The following SAMD15 variants were observed in gnomAD, a reference collection of about 807,000 sequenced individuals.
SAMD15 encodes sterile alpha motif domain-containing protein 15.
Under a neutral mutation model 50.5 loss-of-function variants are expected in SAMD15, and 37 were observed. The ratio of observed to expected loss-of-function variants is 0.73; its 90% CI spans 0.56 to 0.96. The LOEUF (loss-of-function observed/expected upper bound fraction) is 0.96, where lower values mean the gene tolerates loss of function less well. Ranked by LOEUF, SAMD15 falls within the 40% of genes least tolerant of loss-of-function variation. The probability of loss-of-function intolerance (pLI) is 0.00; values close to 1 mark genes in which losing one functional copy is unlikely to be tolerated. For synonymous variants in SAMD15, 255 were observed against 282.8 expected (o/e 0.90, Z 0.99); for missense variants, 789 against 783.8 (o/e 1.01, Z -0.08).
intron 2 of SAMD15, among the ~76,000 whole-genome samples, chr14:77,388,347 G>C (rs911121975): frequency 3.3e-5 from 5 of 151,416 alleles, no homozygotes; most frequent in Non-Finnish European, 5.9e-5. Context: ...GTAGAAGCAT[G>C]CATCACAAAC....
At chr14:77,387,533 T>C (rs200860275) in intron 2 of SAMD15, among the ~76,000 whole-genome samples, 1 of 152,316 alleles carries the variant, frequency 6.6e-6, no homozygotes, top group East Asian at 1.9e-4. Flanking sequence ...AGACACACTT[T>C]TAAAAATCAC....
chr14:77,381,092 C>T (rs1206298846), intron 2 of SAMD15, among the ~76,000 whole-genome samples: 1 of 152,168 alleles, frequency 6.6e-6, no homozygotes, highest in Non-Finnish European at 1.5e-5. Flanking sequence ...ACCAGTTCCT[C>T]ATTTGCATCT....
intron 2 of SAMD15, among the ~76,000 whole-genome samples, chr14:77,381,740 AT>A (rs1735535298): frequency 6.6e-6 from 1 of 152,176 alleles, no homozygotes; most frequent in Non-Finnish European, 1.5e-5. Context: ...AACTTTTTAA[AT>A]TATTAAACAT....
intron 2 of SAMD15, among the ~76,000 whole-genome samples, chr14:77,388,773 T>A (rs1894037823): frequency 6.6e-6 from 1 of 152,090 alleles, no homozygotes; most frequent in Non-Finnish European, 1.5e-5. Context: ...CACGTCCAGC[T>A]AATTTTTGTA....
chr14:77,386,577 G>A (rs547881833), intron 2 of SAMD15, among the ~76,000 whole-genome samples: 1 of 152,252 alleles, frequency 6.6e-6, no homozygotes, highest in Admixed American at 6.5e-5. Flanking sequence ...AGGAGTTTGA[G>A]GCTGCAGTGA....
At position 77,391,541 on chromosome 14, in the gene SAMD15, C is replaced by T. The variant is rs1894072914; in HGVS notation, c.*297C>T. 6 of 231,670 alleles carry T rather than the reference C, an allele frequency of 2.6e-5. No individual in the cohort carries two copies. The South Asian group carries it at 6.3e-4, about 24-fold the overall frequency. The allele number at this position is 231,670 out of a possible 1,614,324, so 14.4% of individuals were successfully genotyped here. ...CCATGTTGGCCAGGCTGGTCTGAAA[C>T]TCCTAACAGTTGATCTGCCCGCCGT... On this transcript the variant is annotated 3_prime_UTR_variant, in exon 3 of 3. Coordinates refer to ENST00000216471, the MANE Select transcript of SAMD15 (RefSeq NM_001010860.4).
In SAMD15 at chr14:77,378,612, GC is replaced by G. The variant is rs761684296; in HGVS notation, c.1196del (p.Pro399GlnfsTer6). The part of the protein sequence containing the change: ...PQVEEKTQTK[P>X]TEKILELPDE... Reference sequence around the variant, plus strand: ...AAGTTGAAGAGAAAACACAAACAAAGCCAACTGAGAAAATTCTAGAGTTACC... The same window carrying G: ...AAGTTGAAGAGAAAACACAAACAAAGCAACTGAGAAAATTCTAGAGTTACC... On this transcript the variant is annotated frameshift_variant, in exon 1 of 3. Coordinates refer to ENST00000216471, the MANE Select transcript of SAMD15 (RefSeq NM_001010860.4). LOFTEE classifies it high-confidence loss of function. 6.2e-6 allele frequency: 10 copies of G among 1,613,794 alleles called. No individual in the cohort carries two copies. Among genetic ancestry groups the G allele is most frequent in the Non-Finnish European group, 8.5e-6 (10 of 1,179,970 alleles).
chr14:77,388,960 AC>A (rs2139653457), intron 2 of SAMD15, among the ~76,000 whole-genome samples: 1 of 152,124 alleles, frequency 6.6e-6, no homozygotes, highest in East Asian at 1.9e-4. Context: ...TAGAATTCTC[AC>A]TGGACAACTC....
At chr14:77,388,916 G>C (rs1365614943) in intron 2 of SAMD15, among the ~76,000 whole-genome samples, 1 of 152,052 alleles carries the variant, frequency 6.6e-6, no homozygotes, top group African/African-American at 2.4e-5. Context: ...TTGGATCTCA[G>C]TTCTTAGAAG....
In SAMD15 at chr14:77,377,783, T is replaced by A; in HGVS notation, c.365T>A (p.Leu122Ter). ...GAGATGGGAGAGTTTTTCAAAGATT[T>A]GGAGGCCCCTATGGATGAAACGCAT... ...SREMGEFFKD[L>*]EAPMDETHKE... is the part of the protein sequence containing the mutation. The change falls in exon 1 of 3, where the codon TTG becomes TAG. Residue 122 changes from leucine to a stop codon, truncating the protein, a stop_gained. Transcript: ENST00000216471. LOFTEE classifies it high-confidence loss of function. The A allele has an allele frequency of 3.1e-6, 5 of 1,614,138 alleles. No homozygotes were observed. Among genetic ancestry groups the A allele is most frequent in the Non-Finnish European group, 4.2e-6 (5 of 1,180,022 alleles).
intron 2 of SAMD15, among the ~76,000 whole-genome samples, chr14:77,382,450 G>A (rs141198502): frequency 6.6e-6 from 1 of 152,080 alleles, no homozygotes; most frequent in African/African-American, 2.4e-5. Flanking sequence ...ATAGAGACAG[G>A]GTTTCATGAT....
At chr14:77,383,995 A>C (rs1020702778) in intron 2 of SAMD15, among the ~76,000 whole-genome samples, 2 of 151,426 alleles carry the variant, frequency 1.3e-5, no homozygotes, top group African/African-American at 2.4e-5. Context: ...AAAAAAAAAA[A>C]AAAAAAAACC....
intron 2 of SAMD15, among the ~76,000 whole-genome samples, chr14:77,390,247 C>T (rs974942711): frequency 6.6e-6 from 1 of 151,994 alleles, no homozygotes; most frequent in Non-Finnish European, 1.5e-5. Flanking sequence ...CTGCCCGCCT[C>T]TGCCTCCCAA....
In SAMD15 at chr14:77,391,875, G is replaced by A. The variant is rs772454164; in HGVS notation, c.*631G>A. Among the ~76,000 whole-genome samples, 99 of 152,162 alleles carry A rather than the reference G, an allele frequency of 6.5e-4. No individual in the cohort carries two copies. The highest frequency in any genetic ancestry group is 6.2e-4 in the South Asian group (3 of 4,824). ...TCAAGACCAGCCTGGCCAACAAGGT[G>A]AAGCCCTGTCTCTACTAAAAATACA... On this transcript the variant is annotated 3_prime_UTR_variant, in exon 3 of 3. Coordinates refer to ENST00000216471, the MANE Select transcript of SAMD15 (RefSeq NM_001010860.4).
intron 2 of SAMD15, among the ~76,000 whole-genome samples, chr14:77,382,845 A>G (rs1176747081): frequency 1.3e-5 from 2 of 151,678 alleles, no homozygotes; most frequent in African/African-American, 4.8e-5. Context: ...CCTCCCAAGT[A>G]GCTGGGATTA....
chr14:77,387,800 T>C (rs1461494261), intron 2 of SAMD15, among the ~76,000 whole-genome samples: 1 of 151,800 alleles, frequency 6.6e-6, no homozygotes, highest in Admixed American at 6.6e-5. Flanking sequence ...ACCTGTAATC[T>C]TAGCATTTTG....
At position 77,377,439 on chromosome 14, in the gene SAMD15, T is replaced by G; in HGVS notation, c.21T>G (p.Asp7Glu). 1 of 1,611,058 alleles carries G rather than the reference T, an allele frequency of 6.2e-7. No individual in the cohort carries two copies. The highest frequency in any genetic ancestry group is 8.5e-7 in the Non-Finnish European group (1 of 1,178,792). The change falls in exon 1 of 3, where the codon GAT (aspartate) becomes GAG (glutamate). Residue 7 changes from aspartate (D) to glutamate (E), a missense_variant. Physicochemically the swap from Asp to Glu is conservative, Grantham distance 45. Transcript: ENST00000216471. ...TGCAAATGGCTGAAGTCCCGGAGGA[T>G]TATGATTCCGGCCCAGATGAAGATG... is the stretch of plus-strand genomic sequence containing the variant. MAEVPE[D>E]YDSGPDEDGE...
At position 77,380,466 on chromosome 14, in the gene SAMD15, C is replaced by G. The variant is rs1489309893; in HGVS notation, c.1773C>G (p.Asn591Lys). ...CSNLPQMGITNFEDMKAISRH... is the reference protein window; with the variant it reads ...CSNLPQMGITKFEDMKAISRH... Reference sequence around the variant, plus strand: ...ACCTCCCTCAGATGGGGATAACAAACTTTGAGGACATGAAGGTGAGTTGTG... The same window carrying G: ...ACCTCCCTCAGATGGGGATAACAAAGTTTGAGGACATGAAGGTGAGTTGTG... Residue 591 changes from asparagine (N) to lysine (K), a missense_variant, in exon 2 of 3, where the codon AAC (asparagine) becomes AAG (lysine). Physicochemically the swap from Asn to Lys is moderately conservative, Grantham distance 94. Around this residue, in one of 2 missense-constraint regions of SAMD15, gnomAD observed 770 missense variants for 745.4 expected, o/e 1.03. Coordinates refer to ENST00000216471, the MANE Select transcript of SAMD15 (RefSeq NM_001010860.4). 14 of 1,612,024 alleles carry G rather than the reference C, an allele frequency of 8.7e-6. 1 individual carries two copies. Among genetic ancestry groups the G allele is most frequent in the Non-Finnish European group, 1.2e-5 (14 of 1,178,236 alleles).
chr14:77,386,043 A>G (rs1322362589), intron 2 of SAMD15, among the ~76,000 whole-genome samples: 3 of 151,724 alleles, frequency 2.0e-5, no homozygotes, highest in Admixed American at 2.0e-4. Flanking sequence ...GGAGATAGAG[A>G]TGGGGTTTCG....
Sources: allele counts gnomAD v4.1 joint callset (sites outside exome capture counted in the v4.1 genomes callset), GRCh38; gene constraint gnomAD v4.1.1; regional missense constraint gnomAD v4.1.1; transcripts MANE v1.5; gene names NCBI Gene and HGNC (gene_info 2026-07-23, HGNC 2026-07-21).